PID1: variants seen among roughly 807,000 people sequenced by gnomAD.
PID1 encodes the protein PTB-containing, cubilin and LRP1-interacting protein.
Under a neutral mutation model 19.1 loss-of-function variants are expected in PID1, and 10 were observed. The observed-to-expected ratio is 0.52, with a 90% CI of 0.32 to 0.89. The LOEUF (loss-of-function observed/expected upper bound fraction) is 0.89. Among genes scored for constraint, PID1 ranks in the 40% least tolerant of loss-of-function variants. The pLI, the probability that PID1 is intolerant of heterozygous loss-of-function variation, is 0.03. For synonymous variants in PID1, 130 were observed against 116.0 expected (o/e 1.12, Z -0.78); for missense variants, 248 against 285.3 (o/e 0.87, Z 0.94).
Position 229,049,173 on chromosome 2 carries a change from G to GT in PID1, c.178-23066dup, listed in dbSNP as rs369539898. Among the ~76,000 whole-genome samples, 1,190 of 152,130 alleles carry GT rather than the reference G, an allele frequency of 7.8e-3. 19 individuals carry two copies. Among genetic ancestry groups the GT allele is most frequent in the African/African-American group, 0.028 (1,143 of 41,456 alleles). ...GGGAGACTCCCCCGACATACCAGAT[G>GT]TTTTTCAATAATGATGATCATCACT... On this transcript the variant is annotated intron_variant, in intron 2 of 2. Coordinates refer to ENST00000392055, the MANE Select transcript of PID1 (RefSeq NM_001100818.2).
At chr2:229,029,077 G>T (rs912305950) in intron 2 of PID1, among the ~76,000 whole-genome samples, 3 of 152,080 alleles carry the variant, frequency 2.0e-5, no homozygotes, top group African/African-American at 7.2e-5. Flanking sequence ...CCACCAGGAG[G>T]GGGAGGGTTG....
chr2:229,101,311 A>C (rs1695068583), intron 2 of PID1, among the ~76,000 whole-genome samples: 1 of 152,100 alleles, frequency 6.6e-6, no homozygotes, highest in Non-Finnish European at 1.5e-5. Flanking sequence ...GGTTTGCTGC[A>C]CTTATCAACC....
chr2:229,109,395 T>C (rs1165788454), intron 2 of PID1, among the ~76,000 whole-genome samples: 1 of 152,160 alleles, frequency 6.6e-6, no homozygotes, highest in Non-Finnish European at 1.5e-5. Context: ...CAGAAAAACC[T>C]GTGTATGTCA....
intron 2 of PID1, among the ~76,000 whole-genome samples, chr2:229,105,949 C>T (rs1385076552): frequency 1.3e-5 from 2 of 151,716 alleles, no homozygotes; most frequent in African/African-American, 2.4e-5. Flanking sequence ...TGTGGTGGCG[C>T]GTGCCTGTAG....
intron 2 of PID1, among the ~76,000 whole-genome samples, chr2:229,091,976 G>A (rs991621675): frequency 6.6e-5 from 10 of 152,144 alleles, no homozygotes; most frequent in African/African-American, 2.4e-4. Flanking sequence ...TGCATAATGT[G>A]CCATCACACA....
At chr2:229,144,742 A>G (rs1181139209) in intron 2 of PID1, among the ~76,000 whole-genome samples, 1 of 152,128 alleles carries the variant, frequency 6.6e-6, no homozygotes, top group Non-Finnish European at 1.5e-5. Flanking sequence ...CACAAGAAGA[A>G]ACTGCCAAAA....
chr2:229,254,867 T>C (rs1242169335), intron 1 of PID1, among the ~76,000 whole-genome samples: 1 of 152,216 alleles, frequency 6.6e-6, no homozygotes, highest in Non-Finnish European at 1.5e-5. Flanking sequence ...GACTTTTATA[T>C]TCTGTGGGCA....
chr2:229,137,168 C>T (rs1435895942), intron 2 of PID1, among the ~76,000 whole-genome samples: 1 of 152,186 alleles, frequency 6.6e-6, no homozygotes, highest in African/African-American at 2.4e-5. Flanking sequence ...AAATAAACCG[C>T]ATTGAGGAAT....
chr2:229,245,361 T>C (rs1420513864), intron 1 of PID1, among the ~76,000 whole-genome samples: 1 of 152,152 alleles, frequency 6.6e-6, no homozygotes, highest in Non-Finnish European at 1.5e-5. Flanking sequence ...AAGTGCTTCT[T>C]ACTCCTCATT....
intron 1 of PID1, among the ~76,000 whole-genome samples, chr2:229,179,975 A>G (rs1374156485): frequency 6.6e-6 from 1 of 152,168 alleles, no homozygotes; most frequent in African/African-American, 2.4e-5. Context: ...CCCACCCAGC[A>G]CAAGACCAAA....
At chr2:229,269,736 A>T (rs1690685501) in intron 1 of PID1, among the ~76,000 whole-genome samples, 1 of 152,174 alleles carries the variant, frequency 6.6e-6, no homozygotes, top group South Asian at 2.1e-4. Flanking sequence ...TAGTAAGACA[A>T]GGAGGGGGTT....
At chr2:229,264,210 G>A (rs375147755) in intron 1 of PID1, among the ~76,000 whole-genome samples, 3 of 152,038 alleles carry the variant, frequency 2.0e-5, no homozygotes, top group South Asian at 2.1e-4. Context: ...CTTCTAGAAC[G>A]GCTTCACTTA....
Position 229,115,986 on chromosome 2 carries a change from C to T in PID1, c.177+39832G>A, listed in dbSNP as rs528835280. On this transcript the variant is annotated intron_variant, in intron 2 of 2. Coordinates refer to ENST00000392055, the MANE Select transcript of PID1 (RefSeq NM_001100818.2). Reference sequence around the variant, plus strand: ...AGAAGATCCCAGCACTTTGGGAGGCCGAAGTGGGCAGATCACGAGTTCAGG... The same window carrying T: ...AGAAGATCCCAGCACTTTGGGAGGCTGAAGTGGGCAGATCACGAGTTCAGG... Among the ~76,000 whole-genome samples, 11 of 151,954 alleles carry T rather than the reference C, an allele frequency of 7.2e-5. No individual in the cohort carries two copies. In the South Asian group the frequency reaches 1.3e-3, roughly 17 times the overall value.
intron 2 of PID1, among the ~76,000 whole-genome samples, chr2:229,154,854 G>A (rs1574673948): frequency 6.6e-6 from 1 of 152,050 alleles, no homozygotes; most frequent in African/African-American, 2.4e-5. Context: ...TATTTTCTTT[G>A]TGATCTCTAA....
At chr2:229,252,464 G>A (rs1690179350) in intron 1 of PID1, among the ~76,000 whole-genome samples, 1 of 152,122 alleles carries the variant, frequency 6.6e-6, no homozygotes, top group African/African-American at 2.4e-5. Context: ...CCAGTGCAGA[G>A]CAAATACATA....
chr2:229,139,111 GAAAGAGAAAGAAAGAA>G (rs1187973643), intron 2 of PID1, among the ~76,000 whole-genome samples: 1 of 72,148 alleles, frequency 1.4e-5, no homozygotes, highest in Non-Finnish European at 2.6e-5. Flanking sequence ...AAGAAAGAAA[GAAAGAGAAAGAAAGAA>G]AGAAAGAAAG....
rs562650961 is a variant in PID1 at position 229,233,329 on chromosome 2, A to G, written c.30+37685T>C. On this transcript the variant is annotated intron_variant, in intron 1 of 2. Coordinates refer to ENST00000392055, the MANE Select transcript of PID1 (RefSeq NM_001100818.2). ...TGTAATATGAGAACATTTAGAAGCT[A>G]AAGGCCAGCTGGCATGTCATCATAA... Among the ~76,000 whole-genome samples the G allele has an allele frequency of 1.6e-4, 25 of 152,296 alleles. 1 individual carries two copies. In the South Asian group the frequency reaches 5.0e-3, roughly 30 times the overall value.
chr2:229,108,537 GA>G (rs1178099930), intron 2 of PID1, among the ~76,000 whole-genome samples: 1 of 152,222 alleles, frequency 6.6e-6, no homozygotes, highest in Non-Finnish European at 1.5e-5. Context: ...GAGGATCAGA[GA>G]GCAATTCCTG....
At chr2:229,190,719 C>G in intron 1 of PID1, among the ~76,000 whole-genome samples, 1 of 152,266 alleles carries the variant, frequency 6.6e-6, no homozygotes. Flanking sequence ...CTAGGTATAT[C>G]GGCTCTTCTT....
Sources: allele counts gnomAD v4.1 joint callset (sites outside exome capture counted in the v4.1 genomes callset), GRCh38; gene constraint gnomAD v4.1.1; transcripts MANE v1.5; gene names NCBI Gene and HGNC (gene_info 2026-07-23, HGNC 2026-07-21).